The following JMY variants were observed in gnomAD, a reference collection of about 807,000 sequenced individuals.
JMY encodes junction-mediating and -regulatory protein.
In JMY, 46 loss-of-function variants were observed where a neutral mutation model predicts 103.3. That is an observed-to-expected ratio of 0.45 (90% CI 0.35 to 0.57). The LOEUF is 0.57. Among genes scored for constraint, JMY ranks in the 20% least tolerant of loss-of-function variants. JMY has a pLI of 0.00. For synonymous variants in JMY, 526 were observed against 489.3 expected (o/e 1.07, Z -0.99); for missense variants, 1,238 against 1,255.2 (o/e 0.99, Z 0.21).
At chr5:79,244,413 A>G (rs1175083944) in intron 1 of JMY, among the ~76,000 whole-genome samples, 2 of 152,186 alleles carry the variant, frequency 1.3e-5, no homozygotes, top group African/African-American at 4.8e-5. Flanking sequence ...TGTGTCTGAG[A>G]GAGATGGGGA....
At chr5:79,297,429 T>A (rs1445894465) in intron 4 of JMY, among the ~76,000 whole-genome samples, 1 of 152,166 alleles carries the variant, frequency 6.6e-6, no homozygotes, top group Non-Finnish European at 1.5e-5. Context: ...CTGTTTCTCT[T>A]AGTTCTGTGG....
At chr5:79,249,766 T>G (rs1745019617) in intron 1 of JMY, among the ~76,000 whole-genome samples, 1 of 152,202 alleles carries the variant, frequency 6.6e-6, no homozygotes. Flanking sequence ...CATCGTATTT[T>G]CAGTCTCCCT....
chr5:79,290,958 C>G (rs530041101), intron 3 of JMY, among the ~76,000 whole-genome samples, 172 bp from the exon 4 acceptor site: 7 of 152,166 alleles, frequency 4.6e-5, no homozygotes, highest in African/African-American at 1.7e-4. Context: ...GCACTCCAGC[C>G]TGGGCAACAG....
intron 1 of JMY, among the ~76,000 whole-genome samples, chr5:79,272,128 AAG>A (rs1431343716): frequency 4.8e-5 from 7 of 145,738 alleles, no homozygotes; most frequent in Non-Finnish European, 1.1e-4. Flanking sequence ...AAAAAAAAAA[AAG>A]AAGTTCTGCA....
chr5:79,321,497 T>A (rs769051762), intron 10 of JMY, 109 bp from the exon 11 acceptor site: 2 of 152,230 alleles, frequency 1.3e-5, no homozygotes, highest in African/African-American at 4.8e-5. Flanking sequence ...AATACAGTCA[T>A]GGCCTTTTGT....
chr5:79,236,597 C>A lies in JMY; in HGVS notation c.-54C>A. 2 of 1,313,626 alleles carry A rather than the reference C, an allele frequency of 1.5e-6. No individual in the cohort carries two copies. The highest frequency in any genetic ancestry group is 2.0e-6 in the Non-Finnish European group (2 of 1,017,990). 81.4% of individuals were successfully genotyped at this position (1,313,626 alleles called of 1,614,324 possible). On this transcript the variant is annotated 5_prime_UTR_variant, in exon 1 of 11. Coordinates refer to ENST00000396137, the MANE Select transcript of JMY (RefSeq NM_152405.5). ...GGGCGCGGCGCAGCCAGCGGGGAGT[C>A]CTCGGGCGGGCCGGGCCGGCGGCCC...
chr5:79,242,781 G>A (rs1320149799), intron 1 of JMY, among the ~76,000 whole-genome samples: 1 of 145,992 alleles, frequency 6.8e-6, no homozygotes, highest in African/African-American at 2.6e-5. Flanking sequence ...GTTCAATAAT[G>A]ACTTTTTTTT....
chr5:79,284,397 C>T (rs1580354233), intron 2 of JMY: 3 of 1,369,394 alleles, frequency 2.2e-6, no homozygotes, highest in East Asian at 4.6e-5. Context: ...TTTGTCTGCA[C>T]CTCTCGGGTC....
Position 79,314,640 on chromosome 5 carries a change from T to TCCTCCC in JMY, c.2457_2462dup (p.Pro824_Pro825dup), listed in dbSNP as rs1747153325. 2.6e-5 allele frequency: 12 copies of TCCTCCC among 463,442 alleles called. No individual in the cohort carries two copies. The highest frequency in any genetic ancestry group is 2.3e-4 in the South Asian group (10 of 44,114). The allele number at this position is 463,442 out of a possible 1,614,324, so 28.7% of individuals were successfully genotyped here. A position where few individuals can be genotyped will look rare whatever the true frequency, so the allele number is the denominator to read the frequency against. On this transcript the variant is annotated inframe_insertion, in exon 9 of 11. Coordinates refer to ENST00000396137, the MANE Select transcript of JMY (RefSeq NM_152405.5). ...CTCCAACACCACCACCTCCCCCACC[T>TCCTCCC]CCTCCCCCTCCCCCACCACCACCAC... is the stretch of plus-strand genomic sequence containing the variant.
chr5:79,316,941 G>A (rs1319566475), intron 10 of JMY, among the ~76,000 whole-genome samples: 2 of 150,278 alleles, frequency 1.3e-5, no homozygotes, highest in Non-Finnish European at 3.0e-5. Flanking sequence ...AGGTTCAGTG[G>A]TTCGCTTCTG....
chr5:79,300,442 G>T lies in JMY; in HGVS notation c.1693+124G>T, dbSNP rs569882671. The T allele has an allele frequency of 3.4e-5, 32 of 928,948 alleles. No homozygotes were observed. The East Asian group carries it at 4.2e-4, about 12-fold the overall frequency. 57.5% of individuals were successfully genotyped at this position (928,948 alleles called of 1,614,324 possible). A position where few individuals can be genotyped will look rare whatever the true frequency, so the allele number is the denominator to read the frequency against. On this transcript the variant is annotated intron_variant, in intron 5 of 10. Transcript: ENST00000396137. ...ATTGTTTTCTGTAGGGATAGAGTGT[G>T]GGGGGGTGATTTCTAGCATTTATTG... is the stretch of plus-strand genomic sequence containing the variant.
chr5:79,264,331 CTG>C (rs1009777999), intron 1 of JMY, among the ~76,000 whole-genome samples: 6 of 152,056 alleles, frequency 3.9e-5, no homozygotes, highest in Non-Finnish European at 7.3e-5. Context: ...AAGCAATCCG[CTG>C]ACCTCAGCCT....
At chr5:79,242,910 A>G (rs533829440) in intron 1 of JMY, among the ~76,000 whole-genome samples, 1 of 152,112 alleles carries the variant, frequency 6.6e-6, no homozygotes, top group South Asian at 2.1e-4. Flanking sequence ...CAGCCTCCCA[A>G]GTAGCTGGGA....
At chr5:79,253,964 T>A (rs1020656742) in intron 1 of JMY, among the ~76,000 whole-genome samples, 8 of 141,648 alleles carry the variant, frequency 5.6e-5, no homozygotes, top group Middle Eastern at 3.5e-3. Context: ...TTTTTTTTTT[T>A]AAAGACAGAG....
At chr5:79,317,500 G>A (rs185106593) in intron 10 of JMY, among the ~76,000 whole-genome samples, 1 of 152,208 alleles carries the variant, frequency 6.6e-6, no homozygotes, top group Non-Finnish European at 1.5e-5. Context: ...AATTTATAAT[G>A]ATGGTAACTG....
Position 79,321,675 on chromosome 5 carries a change from C to T in JMY, c.*73C>T, listed in dbSNP as rs1322539349. 3 of 152,110 alleles carry T rather than the reference C, an allele frequency of 2.0e-5. No individual in the cohort carries two copies. The highest frequency in any genetic ancestry group is 7.2e-5 in the African/African-American group (3 of 41,406). 9.4% of individuals were successfully genotyped at this position (152,110 alleles called of 1,614,324 possible). On this transcript the variant is annotated 3_prime_UTR_variant, in exon 11 of 11. Coordinates refer to ENST00000396137, the MANE Select transcript of JMY (RefSeq NM_152405.5). ...CTTTTGGAAAATGACAGTTTAAGCA[C>T]TTGGTTCCTCAGTTGGATAACATTA...
intron 1 of JMY, among the ~76,000 whole-genome samples, chr5:79,260,924 A>G (rs1745402341): frequency 6.6e-6 from 1 of 152,194 alleles, no homozygotes; most frequent in Admixed American, 6.5e-5. Flanking sequence ...CCACAGATGC[A>G]GTATCATTGC....
rs1304040775 is a variant in JMY at position 79,306,412 on chromosome 5, A to G, written c.1919A>G (p.Gln640Arg). 4.3e-6 allele frequency: 7 copies of G among 1,613,208 alleles called. No individual in the cohort carries two copies. The highest frequency in any genetic ancestry group is 5.9e-6 in the Non-Finnish European group (7 of 1,179,334). ...GCAAAACACAATGAAAAAATCCAAC[A>G]GCGCACTCGGATTGAAGATGAATAT... ...CIAKHNEKIQ[Q>R]RTRIEDEYRT... The change falls in exon 7 of 11, where the codon CAG becomes CGG. Residue 640 changes from glutamine to arginine, a missense_variant. Gln to Arg is a conservative substitution (Grantham distance 43). Coordinates refer to ENST00000396137, the MANE Select transcript of JMY (RefSeq NM_152405.5).
intron 7 of JMY, among the ~76,000 whole-genome samples, chr5:79,309,748 GATTA>G (rs1287791726): frequency 2.6e-5 from 4 of 152,122 alleles, no homozygotes; most frequent in Non-Finnish European, 5.9e-5. Flanking sequence ...TCTAGAAATA[GATTA>G]ATTAATGTAC....
Sources: gnomAD v4.1 joint callset for allele counts (sites outside exome capture counted in the v4.1 genomes callset) on GRCh38, gnomAD v4.1.1 for gene constraint, MANE v1.5 for transcripts, NCBI Gene and HGNC (gene_info 2026-07-23, HGNC 2026-07-21) for gene names.